The following TTC1 variants were observed in gnomAD, a reference collection of about 807,000 sequenced individuals.
The protein encoded by TTC1 is tetratricopeptide repeat domain 1.
TTC1 carries 31 observed loss-of-function variants against 37.6 expected under a neutral mutation model. The ratio of observed to expected loss-of-function variants is 0.82; its 90% CI spans 0.62 to 1.11. The LOEUF (loss-of-function observed/expected upper bound fraction) is 1.11. TTC1 is among the 50% of genes most tolerant of loss of function. The pLI is 0.00. For synonymous variants in TTC1, 127 were observed against 122.4 expected, an observed-to-expected ratio of 1.04 and a Z score of -0.25; for missense variants, 351 against 339.0, an observed-to-expected ratio of 1.04 and a Z score of -0.28.
intron 3 of TTC1, among the ~76,000 whole-genome samples, chr5:160,035,727 CCTTCTGCATTTTCTA>C (rs1320652861): frequency 6.6e-6 from 1 of 152,112 alleles, no homozygotes; most frequent in Non-Finnish European, 1.5e-5. Context: ...TTCTTCATGT[CCTTCTGCATTTTCTA>C]CATTTGCTTA....
chr5:160,014,811 A>T (rs1756573067), intron 2 of TTC1, among the ~76,000 whole-genome samples: 1 of 152,224 alleles, frequency 6.6e-6, no homozygotes, highest in Non-Finnish European at 1.5e-5. Flanking sequence ...TTTCAAGGAA[A>T]TTATTAGAAA....
intron 2 of TTC1, among the ~76,000 whole-genome samples, chr5:160,020,919 C>T (rs771334339): frequency 6.6e-6 from 1 of 152,200 alleles, no homozygotes; most frequent in African/African-American, 2.4e-5. Context: ...TTCCCCAAGA[C>T]CCTAGTCCGT....
intron 7 of TTC1, among the ~76,000 whole-genome samples, chr5:160,060,287 T>C (rs1757663017): frequency 1.3e-5 from 2 of 152,178 alleles, no homozygotes; most frequent in Non-Finnish European, 2.9e-5. Context: ...AGTCAGTATC[T>C]CCAAAGAGAA....
At chr5:160,019,798 T>C (rs1756673854) in intron 2 of TTC1, among the ~76,000 whole-genome samples, 1 of 152,012 alleles carries the variant, frequency 6.6e-6, no homozygotes, top group Non-Finnish European at 1.5e-5. Flanking sequence ...TTGGCCAGGC[T>C]GGTCTCGAAC....
chr5:160,063,920 G>C (rs1253451090), intron 7 of TTC1, among the ~76,000 whole-genome samples: 1 of 150,844 alleles, frequency 6.6e-6, no homozygotes, highest in Non-Finnish European at 1.5e-5. Flanking sequence ...GGGAATACAG[G>C]CATGAGTCAC....
At chr5:160,046,473 G>A (rs772400517) in intron 5 of TTC1, among the ~76,000 whole-genome samples, 6 of 152,030 alleles carry the variant, frequency 3.9e-5, no homozygotes, top group South Asian at 2.1e-4. Flanking sequence ...TTAGTTGAGC[G>A]TGGGACCCTC....
rs375483094 is a variant in TTC1 at position 160,031,978 on chromosome 5, G to A, written c.331-3162G>A. Reference sequence around the variant, plus strand: ...TGCACTCCAGCCTGGGCAACAGAAGGAGACCTTGTCTCTGAAAATAAAAAT... The same window carrying A: ...TGCACTCCAGCCTGGGCAACAGAAGAAGACCTTGTCTCTGAAAATAAAAAT... On this transcript the variant is annotated intron_variant, in intron 2 of 7. Transcript: ENST00000231238. Among the ~76,000 whole-genome samples the A allele has an allele frequency of 1.6e-4, 24 of 152,304 alleles. No individual in the cohort carries two copies. In the South Asian group the frequency reaches 4.8e-3, roughly 30 times the overall value.
chr5:160,031,273 C>T (rs1756903417), intron 2 of TTC1, among the ~76,000 whole-genome samples: 1 of 152,182 alleles, frequency 6.6e-6, no homozygotes, highest in African/African-American at 2.4e-5. Flanking sequence ...ATGTTTACTA[C>T]TCAGTGGGCC....
At position 160,036,752 on chromosome 5, in the gene TTC1, A is replaced by C. The variant is rs1270976990; in HGVS notation, c.453A>C (p.Gln151His). 6 of 1,614,046 alleles carry C rather than the reference A, an allele frequency of 3.7e-6. No homozygotes were observed. The Admixed American group carries it at 1.0e-4, about 27-fold the overall frequency. Reference protein sequence around the residue: ...RALEMCPSCFQKERSILFSNR... With the variant: ...RALEMCPSCFHKERSILFSNR... ...TCGAAATGTGCCCATCCTGCTTCCA[A>C]AAGGAGAGGTCGATTCTATTTTCAA... is the stretch of plus-strand genomic sequence containing the variant. The change falls in exon 4 of 8, where the codon CAA (glutamine) becomes CAC (histidine). Residue 151 changes from glutamine to histidine, a missense_variant. Transcript: ENST00000231238.
intron 2 of TTC1, among the ~76,000 whole-genome samples, chr5:160,025,708 A>G (rs1421944990): frequency 2.6e-5 from 4 of 152,186 alleles, no homozygotes; most frequent in Non-Finnish European, 4.4e-5. Context: ...CACCTGTGGA[A>G]GACAGTATGG....
intron 1 of TTC1, 150 bp from the exon 2 acceptor site, chr5:160,010,350 T>C (rs760523622): frequency 1.9e-6 from 1 of 530,932 alleles, no homozygotes; most frequent in African/African-American, 1.9e-5. Context: ...TTATTACTTA[T>C]GATAAGCTGT....
chr5:160,010,209 G>T (rs1261033365), intron 1 of TTC1, among the ~76,000 whole-genome samples: 1 of 135,990 alleles, frequency 7.4e-6, no homozygotes, highest in Non-Finnish European at 1.5e-5. Context: ...AGTGAGCCGA[G>T]ATCGCGCCAC....
chr5:160,064,904 CATTT>C (rs761213936), intron 7 of TTC1, 24 bp from the exon 8 acceptor site: 271 of 1,602,980 alleles, frequency 1.7e-4, no homozygotes, highest in Non-Finnish European at 2.2e-4. Flanking sequence ...TTCCTGTATT[CATTT>C]GAGTTTTTGC....
chr5:160,056,550 C>G (rs1757552370), intron 7 of TTC1, among the ~76,000 whole-genome samples: 1 of 152,062 alleles, frequency 6.6e-6, no homozygotes, highest in South Asian at 2.1e-4. Flanking sequence ...ATAGCAAGAC[C>G]CTGTCTCTAC....
intron 3 of TTC1, among the ~76,000 whole-genome samples, chr5:160,036,284 A>AT (rs1354400958): frequency 6.6e-6 from 1 of 152,126 alleles, no homozygotes; most frequent in South Asian, 2.1e-4. Flanking sequence ...AATATGTATA[A>AT]TTTTTTTCTT....
intron 2 of TTC1, among the ~76,000 whole-genome samples, chr5:160,020,653 G>A (rs945607250): frequency 4.6e-5 from 7 of 152,186 alleles, no homozygotes; most frequent in African/African-American, 1.7e-4. Flanking sequence ...ATTCTCGTAG[G>A]CTTGTGAACC....
At position 160,065,419 on chromosome 5, in the gene TTC1, G is replaced by C. The variant is rs1753577127; in HGVS notation, c.*354G>C. The C allele has an allele frequency of 2.1e-6, 1 of 472,294 alleles. No homozygotes were observed. The highest frequency in any genetic ancestry group is 1.5e-5 in the South Asian group (1 of 64,686). The allele number at this position is 472,294 out of a possible 1,614,324, so 29.3% of individuals were successfully genotyped here. Reference sequence around the variant, plus strand: ...TGAACCAAACAAACCTGTTGGTTGGGAGACTGCCCAGACATGATTGATGAC... The same window carrying C: ...TGAACCAAACAAACCTGTTGGTTGGCAGACTGCCCAGACATGATTGATGAC... On this transcript the variant is annotated 3_prime_UTR_variant, in exon 8 of 8. Transcript: ENST00000231238.
chr5:160,056,438 C>T (rs899228070), intron 7 of TTC1, among the ~76,000 whole-genome samples: 1 of 152,206 alleles, frequency 6.6e-6, no homozygotes, highest in Non-Finnish European at 1.5e-5. Context: ...GCATGGTGGT[C>T]ATGCCTATAA....
At chr5:160,056,495 G>A (rs1419349028) in intron 7 of TTC1, among the ~76,000 whole-genome samples, 1 of 152,150 alleles carries the variant, frequency 6.6e-6, no homozygotes, top group East Asian at 1.9e-4. Context: ...TTGAGCCTGG[G>A]AGGTCAAGAC....
Sources: gnomAD v4.1 joint callset for allele counts (sites outside exome capture counted in the v4.1 genomes callset) on GRCh38, gnomAD v4.1.1 for gene constraint, MANE v1.5 for transcripts, NCBI Gene and HGNC (gene_info 2026-07-23, HGNC 2026-07-21) for gene names.